Variants in FCER1G observed in about 807,000 individuals in gnomAD.
FCER1G encodes the protein Fc epsilon receptor Ig.
Under a neutral mutation model 17.3 loss-of-function variants are expected in FCER1G, and 7 were observed. The ratio of observed to expected loss-of-function variants is 0.40; its 90% CI spans 0.23 to 0.76. The LOEUF (loss-of-function observed/expected upper bound fraction) is 0.76, where lower values mean the gene tolerates loss of function less well. FCER1G is among the 30% of genes least tolerant of loss of function. The pLI is 0.35. For missense variants in FCER1G, 87 were observed against 97.7 expected, an observed-to-expected ratio of 0.89 and a Z score of 0.46; for synonymous variants, 35 against 38.7, an observed-to-expected ratio of 0.90 and a Z score of 0.35.
In FCER1G at chr1:161,219,185, T is replaced by G. The variant is rs1371527908; in HGVS notation, c.*242T>G. 2 of 522,028 alleles carry G rather than the reference T, an allele frequency of 3.8e-6. No homozygotes were observed. The highest frequency in any genetic ancestry group is 3.4e-6 in the Non-Finnish European group (1 of 293,778). The allele number at this position is 522,028 out of a possible 1,614,324, so 32.3% of individuals were successfully genotyped here. On this transcript the variant is annotated 3_prime_UTR_variant, in exon 5 of 5. Transcript: ENST00000289902. ...TGTCCCACCCTTCTTCTCTTCCCCATTCCCAACTCCAGCTAAAATATGGGA... is the reference window on the plus strand; with the variant it reads ...TGTCCCACCCTTCTTCTCTTCCCCAGTCCCAACTCCAGCTAAAATATGGGA...
At chr1:161,215,755 G>A (rs1666024473) in intron 1 of FCER1G, among the ~76,000 whole-genome samples, 1 of 152,136 alleles carries the variant, frequency 6.6e-6, no homozygotes, top group East Asian at 1.9e-4. Context: ...ACCACGCCCG[G>A]CTAAGTTAAG....
chr1:161,216,215 G>A (rs1162145642), intron 1 of FCER1G, among the ~76,000 whole-genome samples: 1 of 151,754 alleles, frequency 6.6e-6, no homozygotes. Flanking sequence ...AGAAGGCTGA[G>A]GCAGGAGAAT....
rs1376644081 is a variant in FCER1G at position 161,219,035 on chromosome 1, C to T, written c.*92C>T. The T allele has an allele frequency of 3.2e-6, 3 of 923,858 alleles. No homozygotes were observed. The highest frequency in any genetic ancestry group is 5.4e-6 in the Non-Finnish European group (3 of 558,618). 57.2% of individuals were successfully genotyped at this position (923,858 alleles called of 1,614,324 possible). On this transcript the variant is annotated 3_prime_UTR_variant, in exon 5 of 5. Coordinates refer to ENST00000289902, the MANE Select transcript of FCER1G (RefSeq NM_004106.2). ...ACATATGCCTGCATGCCATTAACACCAGCTGGCCCTACCCCTATAATGATC... is the reference window on the plus strand; with the variant it reads ...ACATATGCCTGCATGCCATTAACACTAGCTGGCCCTACCCCTATAATGATC...
chr1:161,216,999 A>C (rs924657020), intron 1 of FCER1G, among the ~76,000 whole-genome samples: 3 of 152,204 alleles, frequency 2.0e-5, no homozygotes, highest in Admixed American at 2.0e-4. Flanking sequence ...TGTGGCTCTG[A>C]GTGAGTTACT....
Position 161,218,323 on chromosome 1 carries a change from G to A in FCER1G, c.177+47G>A, listed in dbSNP as rs925662129. ...GTGTGGACAACTTTTCAGACCCTCA[G>A]CCCTCCTGGGGCTCTAGCCTGGGTT... On this transcript the variant is annotated intron_variant, in intron 3 of 4. Coordinates refer to ENST00000289902, the MANE Select transcript of FCER1G (RefSeq NM_004106.2). The A allele has an allele frequency of 3.9e-6, 6 of 1,529,890 alleles. No individual in the cohort carries two copies. The African/African-American group carries it at 8.2e-5, about 21-fold the overall frequency. 94.8% of individuals were successfully genotyped at this position (1,529,890 alleles called of 1,614,324 possible).
chr1:161,218,398 T>A, intron 3 of FCER1G, 122 bp downstream of exon 3: 1 of 814,136 alleles, frequency 1.2e-6, no homozygotes. Flanking sequence ...TGCATACACC[T>A]CAGAGGCCTC....
Position 161,217,979 on chromosome 1 carries a change from C to T in FCER1G, c.50-7C>T, listed in dbSNP as rs201072389. On this transcript the variant is annotated splice_region_variant and splice_polypyrimidine_tract_variant and intron_variant, in intron 1 of 4. Transcript: ENST00000289902. ...CCCGACCCCATGGGCATCCTCTATC[C>T]CCTCAGCGGCCCTGGGAGAGCCTCA... is the stretch of plus-strand genomic sequence containing the variant. The T allele has an allele frequency of 1.0e-5, 16 of 1,604,390 alleles. No individual in the cohort carries two copies. The Admixed American group carries it at 1.3e-4, about 13-fold the overall frequency.
chr1:161,215,480 G>A, intron 1 of FCER1G, 110 bp downstream of exon 1: 4 of 952,402 alleles, frequency 4.2e-6, no homozygotes, highest in Admixed American at 3.4e-5. Context: ...CAGTGGGTAG[G>A]TGGGCATAGG....
intron 1 of FCER1G, among the ~76,000 whole-genome samples, chr1:161,216,361 TAC>T (rs1218847328): frequency 5.8e-5 from 8 of 137,542 alleles, no homozygotes; most frequent in Non-Finnish European, 9.4e-5. Context: ...TCTATCTATA[TAC>T]ACACACACAC....
At chr1:161,216,409 C>CACACAT (rs1666051607) in intron 1 of FCER1G, among the ~76,000 whole-genome samples, 8 of 141,810 alleles carry the variant, frequency 5.6e-5, no homozygotes, top group Non-Finnish European at 3.1e-5. Flanking sequence ...CACACACACA[C>CACACAT]ACATATATAT....
At chr1:161,216,628 C>T (rs1448816175) in intron 1 of FCER1G, among the ~76,000 whole-genome samples, 1 of 152,070 alleles carries the variant, frequency 6.6e-6, no homozygotes, top group African/African-American at 2.4e-5. Context: ...TGAGCGTCAG[C>T]TGAGAAATAG....
At chr1:161,217,181 G>A (rs1666069129) in intron 1 of FCER1G, among the ~76,000 whole-genome samples, 1 of 152,130 alleles carries the variant, frequency 6.6e-6, no homozygotes, top group African/African-American at 2.4e-5. Context: ...TTCCCTACTG[G>A]TCCTCTGATA....
chr1:161,215,890 C>CTAT (rs977953432), intron 1 of FCER1G, among the ~76,000 whole-genome samples: 14 of 151,810 alleles, frequency 9.2e-5, no homozygotes, highest in Admixed American at 4.6e-4. Flanking sequence ...CTGCACCCAG[C>CTAT]TATTATTATT....
At chr1:161,218,614 AC>A (rs1666097715) in intron 3 of FCER1G, 88 bp from the exon 4 acceptor site, 7 of 1,429,666 alleles carry the variant, frequency 4.9e-6, no homozygotes, top group Non-Finnish European at 6.9e-6. Flanking sequence ...CTGGCTGCCC[AC>A]CCCCCATGCC....
At chr1:161,217,158 C>T (rs1013178244) in intron 1 of FCER1G, among the ~76,000 whole-genome samples, 13 of 152,130 alleles carry the variant, frequency 8.5e-5, no homozygotes, top group Non-Finnish European at 1.6e-4. Flanking sequence ...AATTGACTGA[C>T]GTTAGTCACA....
At chr1:161,215,450 C>A in intron 1 of FCER1G, 80 bp downstream of exon 1, 1 of 1,283,250 alleles carries the variant, frequency 7.8e-7, no homozygotes, top group Non-Finnish European at 1.1e-6. Context: ...CCAAGTCAAA[C>A]ACAGGTGAAG....
intron 4 of FCER1G, 35 bp from the exon 5 acceptor site, chr1:161,218,846 C>T (rs1449890738): frequency 6.2e-7 from 1 of 1,603,750 alleles, no homozygotes; most frequent in Admixed American, 1.7e-5. Flanking sequence ...CTGATGGACT[C>T]CAGCTCCTGA....
intron 1 of FCER1G, 107 bp downstream of exon 1, chr1:161,215,477 T>C (rs1361296115): frequency 1.1e-6 from 1 of 949,758 alleles, no homozygotes; most frequent in South Asian, 1.3e-5. Flanking sequence ...TGACAGTGGG[T>C]AGGTGGGCAT....
Position 161,218,000 on chromosome 1 carries a change from C to T in FCER1G, c.64C>T (p.Pro22Ser). The change falls in exon 2 of 5, where the codon CCT becomes TCT. Residue 22 changes from proline to serine, a missense_variant. Coordinates refer to ENST00000289902, the MANE Select transcript of FCER1G (RefSeq NM_004106.2). The stretch of plus-strand genomic sequence containing the variant: ...TATCCCCTCAGCGGCCCTGGGAGAG[C>T]CTCAGCTCTGCTATATCCTGGATGC... ...LVEQAAALGE[P>S]QLCYILDAIL... is the part of the protein sequence containing the mutation. The T allele has an allele frequency of 5.0e-6, 8 of 1,613,476 alleles. No individual in the cohort carries two copies. The highest frequency in any genetic ancestry group is 6.8e-6 in the Non-Finnish European group (8 of 1,179,472).
Sources: gnomAD v4.1 joint callset for allele counts (sites outside exome capture counted in the v4.1 genomes callset) on GRCh38, gnomAD v4.1.1 for gene constraint, MANE v1.5 for transcripts, NCBI Gene and HGNC (gene_info 2026-07-23, HGNC 2026-07-21) for gene names.